Variants in KAZN observed in about 807,000 individuals in gnomAD.
The protein encoded by KAZN is kazrin, periplakin interacting protein.
A neutral mutation model predicts 87.4 loss-of-function variants in KAZN; 40 were observed. The ratio of observed to expected loss-of-function variants is 0.46; its 90% CI spans 0.36 to 0.60. The LOEUF is 0.60. Among genes scored for constraint, KAZN ranks in the 20% least tolerant of loss-of-function variants. The pLI, the probability that KAZN is intolerant of heterozygous loss-of-function variation, is 0.00. For missense variants in KAZN, 898 were observed against 1,073.9 expected (o/e 0.84, Z 2.29); for synonymous variants, 466 against 458.3 (o/e 1.02, Z -0.22).
chr1:14,609,420 G>T (rs1677636540), intron 1 of KAZN, among the ~76,000 whole-genome samples: 1 of 152,178 alleles, frequency 6.6e-6, no homozygotes, highest in South Asian at 2.1e-4. Context: ...CACAGGCTGG[G>T]TCATTCTCAT....
At chr1:14,124,592 A>G (rs1644822210) in intron 1 of KAZN, among the ~76,000 whole-genome samples, 1 of 152,244 alleles carries the variant, frequency 6.6e-6, no homozygotes, top group African/African-American at 2.4e-5. Flanking sequence ...CAGAAAAAGA[A>G]GGAAAGATCT....
chr1:13,996,319 G>A (rs1315810063), intron 1 of KAZN, among the ~76,000 whole-genome samples: 3 of 152,182 alleles, frequency 2.0e-5, no homozygotes, highest in Admixed American at 6.5e-5. Flanking sequence ...AGCCTATGGA[G>A]CTCCCGGGGA....
At chr1:14,785,536 C>G (rs548026944) in intron 1 of KAZN, among the ~76,000 whole-genome samples, 1 of 152,208 alleles carries the variant, frequency 6.6e-6, no homozygotes, top group Admixed American at 6.5e-5. Context: ...ATGTTACTCC[C>G]TCTCCCCAGT....
intron 2 of KAZN, among the ~76,000 whole-genome samples, chr1:14,338,085 G>A (rs1031869855): frequency 1.9e-4 from 29 of 152,082 alleles, no homozygotes; most frequent in African/African-American, 6.8e-4. Context: ...CCTCCAGAGA[G>A]AGAATCTCAA....
chr1:14,319,717 T>C (rs1228854416), intron 2 of KAZN, among the ~76,000 whole-genome samples: 1 of 152,170 alleles, frequency 6.6e-6, no homozygotes, highest in Non-Finnish European at 1.5e-5. Flanking sequence ...TTGTTTCCCT[T>C]GTCTCAGGGA....
chr1:14,527,433 C>T (rs537315940), intron 2 of KAZN, among the ~76,000 whole-genome samples: 244 of 151,772 alleles, frequency 1.6e-3, no homozygotes, highest in African/African-American at 5.4e-3. Context: ...CCTGTAATCC[C>T]GACTACTTGG....
At chr1:14,434,614 G>A (rs1571637689) in intron 2 of KAZN, among the ~76,000 whole-genome samples, 1 of 152,192 alleles carries the variant, frequency 6.6e-6, no homozygotes, top group East Asian at 1.9e-4. Context: ...TGGGCCCTGG[G>A]GAGCAGGAAG....
chr1:13,949,136 T>C (rs1641253148), intron 1 of KAZN, among the ~76,000 whole-genome samples: 1 of 152,194 alleles, frequency 6.6e-6, no homozygotes, highest in Non-Finnish European at 1.5e-5. Flanking sequence ...ATTTCCCCTC[T>C]CCTCTGTACC....
chr1:14,221,631 G>T (rs1280969649), intron 2 of KAZN, among the ~76,000 whole-genome samples: 1 of 152,066 alleles, frequency 6.6e-6, no homozygotes, highest in Non-Finnish European at 1.5e-5. Context: ...CACCATTATT[G>T]CACCAATTTT....
chr1:14,970,164 G>C (rs983475420), intron 2 of KAZN, among the ~76,000 whole-genome samples: 1 of 152,168 alleles, frequency 6.6e-6, no homozygotes, highest in African/African-American at 2.4e-5. Context: ...TAATTTGAGA[G>C]TAGTTTGAGG....
chr1:14,554,326 G>A (rs1252005808), intron 2 of KAZN, among the ~76,000 whole-genome samples: 2 of 152,126 alleles, frequency 1.3e-5, no homozygotes, highest in Non-Finnish European at 2.9e-5. Flanking sequence ...GGCTTAAACT[G>A]CACCCCTGTA....
chr1:15,003,438 TCAAAGCTTA>T (rs1668701758), intron 2 of KAZN, among the ~76,000 whole-genome samples: 1 of 152,172 alleles, frequency 6.6e-6, no homozygotes, highest in Non-Finnish European at 1.5e-5. Flanking sequence ...TCTACATACG[TCAAAGCTTA>T]GCTCATTGTG....
intron 1 of KAZN, among the ~76,000 whole-genome samples, chr1:14,849,865 G>T (rs1553144773): frequency 6.6e-6 from 1 of 151,908 alleles, no homozygotes; most frequent in Non-Finnish European, 1.5e-5. Context: ...TAGCTTAGCA[G>T]CAGTTCTGGA....
At chr1:14,389,291 G>A (rs752940100) in intron 2 of KAZN, among the ~76,000 whole-genome samples, 6 of 152,166 alleles carry the variant, frequency 3.9e-5, no homozygotes, top group South Asian at 2.1e-4. Flanking sequence ...AAAAGAGTTT[G>A]AAGGTTTCTC....
At chr1:14,471,774 G>A (rs1472571403) in intron 2 of KAZN, among the ~76,000 whole-genome samples, 1 of 152,180 alleles carries the variant, frequency 6.6e-6, no homozygotes, top group African/African-American at 2.4e-5. Context: ...AGGAGAGTCA[G>A]AGCATTCTGT....
intron 1 of KAZN, among the ~76,000 whole-genome samples, chr1:14,721,299 G>T (rs980455780): frequency 6.6e-5 from 10 of 152,142 alleles, no homozygotes; most frequent in African/African-American, 2.4e-4. Context: ...TTTATCAGAG[G>T]CTTTTCCCTA....
intron 8 of KAZN, among the ~76,000 whole-genome samples, chr1:15,082,378 T>C (rs1024817588): frequency 6.6e-6 from 1 of 152,162 alleles, no homozygotes; most frequent in Non-Finnish European, 1.5e-5. Flanking sequence ...GGGATGCAGA[T>C]GCCAGGGAGG....
At chr1:14,592,199 T>C (rs1676241497) in intron 2 of KAZN, among the ~76,000 whole-genome samples, 2 of 151,958 alleles carry the variant, frequency 1.3e-5, no homozygotes, top group African/African-American at 2.4e-5. Flanking sequence ...ATGTGACAAT[T>C]TGAATAAACA....
At chr1:14,194,862 A>G (rs979635508) in intron 2 of KAZN, among the ~76,000 whole-genome samples, 2 of 152,112 alleles carry the variant, frequency 1.3e-5, no homozygotes, top group African/African-American at 4.8e-5. Flanking sequence ...TGGCAAGGAT[A>G]GAGATTTGAG....
Sources: gnomAD v4.1 joint callset for allele counts (sites outside exome capture counted in the v4.1 genomes callset) on GRCh38, gnomAD v4.1.1 for gene constraint, MANE v1.5 for transcripts, NCBI Gene and HGNC (gene_info 2026-07-23, HGNC 2026-07-21) for gene names.